Variants in LDB2 observed in about 807,000 individuals in gnomAD.
LDB2 encodes the protein LIM domain binding 2, also known as LIM domain-binding protein 2.
Under a neutral mutation model 44.3 loss-of-function variants are expected in LDB2, and 12 were observed. The observed-to-expected ratio is 0.27, with a 90% CI of 0.17 to 0.44. The LOEUF (loss-of-function observed/expected upper bound fraction) is 0.44. Among genes scored for constraint, LDB2 ranks in the 20% least tolerant of loss-of-function variants. The probability of loss-of-function intolerance (pLI) is 1.00; values close to 1 mark genes in which losing one functional copy is unlikely to be tolerated. For missense variants in LDB2, 344 were observed against 473.5 expected, an observed-to-expected ratio of 0.73 and a Z score of 2.54; for synonymous variants, 164 against 174.8, an observed-to-expected ratio of 0.94 and a Z score of 0.49.
chr4:16,875,802 A>AT lies in LDB2; in HGVS notation c.132+22551dup, dbSNP rs553442677. Among the ~76,000 whole-genome samples, 499 of 152,302 alleles carry AT rather than the reference A, an allele frequency of 3.3e-3. 11 individuals carry two copies. The highest frequency in any genetic ancestry group is 1.0e-3 in the Non-Finnish European group (68 of 68,028). Reference sequence around the variant, plus strand: ...GCATGGTATAACTGCTGGGGATGATATTTGCCTTATGAAAGTCACATTCAC... The same window carrying AT: ...GCATGGTATAACTGCTGGGGATGATATTTTGCCTTATGAAAGTCACATTCAC... On this transcript the variant is annotated intron_variant, in intron 1 of 7. Coordinates refer to ENST00000304523, the MANE Select transcript of LDB2 (RefSeq NM_001290.5).
At chr4:16,547,568 A>G (rs1430685877) in intron 5 of LDB2, among the ~76,000 whole-genome samples, 2 of 152,160 alleles carry the variant, frequency 1.3e-5, no homozygotes, top group African/African-American at 2.4e-5. Flanking sequence ...CAAGACACAC[A>G]TCCAGCCTAG....
intron 2 of LDB2, among the ~76,000 whole-genome samples, chr4:16,616,105 A>G (rs1337073706): frequency 6.6e-6 from 1 of 152,186 alleles, no homozygotes; most frequent in Non-Finnish European, 1.5e-5. Context: ...GGATACTCAC[A>G]TTATATACTA....
intron 1 of LDB2, among the ~76,000 whole-genome samples, chr4:16,824,159 T>C (rs1782608992): frequency 6.6e-6 from 1 of 152,188 alleles, no homozygotes; most frequent in Non-Finnish European, 1.5e-5. Flanking sequence ...CCACCGTCCT[T>C]TGGTTTTTAG....
At chr4:16,798,513 T>C (rs1777168027) in intron 1 of LDB2, among the ~76,000 whole-genome samples, 1 of 152,218 alleles carries the variant, frequency 6.6e-6, no homozygotes, top group South Asian at 2.1e-4. Context: ...ATCTACTTTG[T>C]AATTTGAGAA....
At chr4:16,793,682 T>G (rs145217099) in intron 1 of LDB2, among the ~76,000 whole-genome samples, 1 of 152,348 alleles carries the variant, frequency 6.6e-6, no homozygotes, top group African/African-American at 2.4e-5. Context: ...TTTTTAATGA[T>G]TCCTCTTTGT....
At chr4:16,708,915 G>A (rs1032282518) in intron 2 of LDB2, among the ~76,000 whole-genome samples, 1 of 152,020 alleles carries the variant, frequency 6.6e-6, no homozygotes, top group Non-Finnish European at 1.5e-5. Flanking sequence ...TCACTCTGCA[G>A]GTCTCTACCC....
intron 1 of LDB2, among the ~76,000 whole-genome samples, chr4:16,786,377 T>C (rs1774428640): frequency 6.6e-6 from 1 of 152,222 alleles, no homozygotes; most frequent in African/African-American, 2.4e-5. Context: ...TCAACTAGAA[T>C]GTGAACTCAA....
At chr4:16,685,376 T>G (rs909526174) in intron 2 of LDB2, among the ~76,000 whole-genome samples, 5 of 152,124 alleles carry the variant, frequency 3.3e-5, no homozygotes, top group Admixed American at 1.3e-4. Context: ...TCTCAAGTTT[T>G]TTTTGTTTTG....
At chr4:16,866,244 T>A (rs889049729) in intron 1 of LDB2, among the ~76,000 whole-genome samples, 1 of 152,198 alleles carries the variant, frequency 6.6e-6, no homozygotes, top group Non-Finnish European at 1.5e-5. Context: ...AGATGTGAGT[T>A]ACAAAGTAGC....
chr4:16,828,526 T>G (rs1783471219), intron 1 of LDB2, among the ~76,000 whole-genome samples: 1 of 152,220 alleles, frequency 6.6e-6, no homozygotes, highest in Non-Finnish European at 1.5e-5. Flanking sequence ...ACACAGTCCA[T>G]GAGCACAGTT....
intron 2 of LDB2, among the ~76,000 whole-genome samples, chr4:16,691,408 C>T (rs1377853070): frequency 2.0e-5 from 3 of 152,012 alleles, no homozygotes; most frequent in Non-Finnish European, 4.4e-5. Flanking sequence ...ATTCTTTGCC[C>T]GAAGAGAAAT....
chr4:16,540,052 T>C (rs1733227002), intron 5 of LDB2, among the ~76,000 whole-genome samples: 1 of 152,200 alleles, frequency 6.6e-6, no homozygotes, highest in Non-Finnish European at 1.5e-5. Flanking sequence ...GCATATCTTA[T>C]GATGGCAGAG....
chr4:16,781,502 C>T (rs1697387832), intron 1 of LDB2, among the ~76,000 whole-genome samples: 2 of 152,194 alleles, frequency 1.3e-5, no homozygotes, highest in South Asian at 2.1e-4. Context: ...CAGCCACTAA[C>T]CTACTTTGCT....
At chr4:16,870,541 C>T (rs374552533) in intron 1 of LDB2, among the ~76,000 whole-genome samples, 4 of 152,104 alleles carry the variant, frequency 2.6e-5, no homozygotes, top group African/African-American at 9.7e-5. Flanking sequence ...TATAAAAGCC[C>T]TCTCTGATCT....
At chr4:16,862,633 CAAAAAAAAAAAAAAAA>C (rs58157857) in intron 1 of LDB2, among the ~76,000 whole-genome samples, 139 of 45,094 alleles carry the variant, frequency 3.1e-3, no homozygotes, top group African/African-American at 0.012. Flanking sequence ...AATTCCATCT[CAAAAAAAAAAAAAAAA>C]AAAAAAAAAA....
intron 1 of LDB2, among the ~76,000 whole-genome samples, chr4:16,801,770 A>G (rs1777882511): frequency 6.6e-6 from 1 of 152,226 alleles, no homozygotes; most frequent in South Asian, 2.1e-4. Flanking sequence ...TTTATTTAAA[A>G]GGAAGAAAGA....
rs11736817 is a variant in LDB2, at chr4:16,589,658, G to A, written c.409-826C>T. Among the ~76,000 whole-genome samples, 915 of 152,158 alleles carry A rather than the reference G, an allele frequency of 6.0e-3. 3 individuals are homozygous for A. Among genetic ancestry groups the A allele is most frequent in the Middle Eastern group, 0.01 (3 of 294 alleles). ...TCACTATTAACAACTTTGAAATGAA[G>A]GAAAGTGCTATGCAATCACGAACCG... On this transcript the variant is annotated intron_variant, in intron 3 of 7. Coordinates refer to ENST00000304523, the MANE Select transcript of LDB2 (RefSeq NM_001290.5).
intron 1 of LDB2, among the ~76,000 whole-genome samples, chr4:16,760,605 A>G (rs1353409163): frequency 6.6e-6 from 1 of 152,166 alleles, no homozygotes; most frequent in Admixed American, 6.5e-5. Context: ...TGTATTGGGC[A>G]CTTAACTATG....
At chr4:16,506,162 A>C in intron 7 of LDB2, 1 of 556,898 alleles carries the variant, frequency 1.8e-6, no homozygotes, top group Non-Finnish European at 3.1e-6. Context: ...AGTGTTGATA[A>C]CTCAGTAGAC....
Sources: gnomAD v4.1 joint callset for allele counts (sites outside exome capture counted in the v4.1 genomes callset) on GRCh38, gnomAD v4.1.1 for gene constraint, MANE v1.5 for transcripts, NCBI Gene and HGNC (gene_info 2026-07-23, HGNC 2026-07-21) for gene names.